Variants in TRIP11 observed in about 807,000 individuals in gnomAD.
The protein encoded by TRIP11 is thyroid receptor-interacting protein 11.
In TRIP11, 148 loss-of-function variants were observed where a neutral mutation model predicts 223.1. That is an observed-to-expected ratio of 0.66 (90% CI 0.58 to 0.76). TRIP11 has a LOEUF of 0.76. Among genes scored for constraint, TRIP11 ranks in the 30% least tolerant of loss-of-function variants. The probability of loss-of-function intolerance (pLI) is 0.00; values close to 1 mark genes in which losing one functional copy is unlikely to be tolerated. For missense variants in TRIP11, 2,043 were observed against 2,222.0 expected, an observed-to-expected ratio of 0.92 and a Z score of 1.62; for synonymous variants, 762 against 772.6, an observed-to-expected ratio of 0.99 and a Z score of 0.23.
At chr14:92,033,091 G>A in intron 2 of TRIP11, 101 bp downstream of exon 2, 2 of 857,822 alleles carry the variant, frequency 2.3e-6, no homozygotes, top group Non-Finnish European at 3.9e-6. Flanking sequence ...GAGAAAAAAA[G>A]TGCTAAGCAG....
rs150430556 is a variant in TRIP11, at chr14:92,016,590, A to T, written c.658-729T>A. Among the ~76,000 whole-genome samples, 72 of 152,294 alleles carry T rather than the reference A, an allele frequency of 4.7e-4. No individual in the cohort carries two copies. In the East Asian group the frequency reaches 0.013, roughly 29 times the overall value. ...AGATGGTTTTTGTTGCTTGTAACCA[A>T]GAATCCTAATCTACAGAAAAATTGA... On this transcript the variant is annotated intron_variant, in intron 5 of 20. Transcript: ENST00000267622.
At chr14:91,994,458 G>A (rs1036698640) in intron 14 of TRIP11, among the ~76,000 whole-genome samples, 2 of 152,004 alleles carry the variant, frequency 1.3e-5, no homozygotes, top group East Asian at 1.9e-4. Flanking sequence ...TGGCCAGGCT[G>A]GTCTTGAACT....
chr14:92,039,440 G>T, intron 1 of TRIP11, 107 bp downstream of exon 1: 1 of 1,211,558 alleles, frequency 8.3e-7, no homozygotes, highest in Non-Finnish European at 1.2e-6. Flanking sequence ...GGGAGGAGCA[G>T]CATTCCTTTG....
In TRIP11 at chr14:92,004,919, T is replaced by C; in HGVS notation, c.3057A>G (p.Glu1019=). ...GCTCTTTTATTCCTTTCACTAATCTTTCCGTTTCAGCTTTAGATAAATCAT... is the reference window on the plus strand; with the variant it reads ...GCTCTTTTATTCCTTTCACTAATCTCTCCGTTTCAGCTTTAGATAAATCAT... ...EKHDLSKAET[E]RLVKGIKERE... The change falls in exon 11 of 21, where the codon GAA becomes GAG. Residue 1019 remains glutamate (E), a synonymous_variant. Coordinates refer to ENST00000267622, the MANE Select transcript of TRIP11 (RefSeq NM_004239.4). 1 of 1,613,956 alleles carries C rather than the reference T, an allele frequency of 6.2e-7. No individual in the cohort carries two copies. The highest frequency in any genetic ancestry group is 8.5e-7 in the Non-Finnish European group (1 of 1,179,996).
At chr14:91,980,621 A>G (rs2140089019) in intron 16 of TRIP11, among the ~76,000 whole-genome samples, 1 of 152,338 alleles carries the variant, frequency 6.6e-6, no homozygotes, top group East Asian at 1.9e-4. Context: ...TCATATTTCA[A>G]TCTAGCCTGA....
chr14:92,005,604 T>G lies in TRIP11; in HGVS notation c.2372A>C (p.Glu791Ala), dbSNP rs1201229308. The change falls in exon 11 of 21, where the codon GAA becomes GCA. Residue 791 changes from glutamate (E) to alanine (A), a missense_variant. Transcript: ENST00000267622. ...NIEQMDTDHK[E>A]TKDVLSSSLE... is the part of the protein sequence containing the mutation. ...ACTAGATGACAAAACGTCCTTAGTT[T>G]CTTTATGGTCAGTATCCATTTGTTC... is the stretch of plus-strand genomic sequence containing the variant. 6.2e-7 allele frequency: 1 copy of G among 1,613,676 alleles called. No homozygotes were observed. The highest frequency in any genetic ancestry group is 1.1e-5 in the South Asian group (1 of 90,932).
chr14:91,983,612 T>A (rs1406930508), intron 16 of TRIP11, among the ~76,000 whole-genome samples: 1 of 152,274 alleles, frequency 6.6e-6, no homozygotes, highest in Admixed American at 6.5e-5. Context: ...TCTTAACTCA[T>A]ATTTTGGCAT....
intron 16 of TRIP11, chr14:91,977,136 G>C: frequency 4.8e-6 from 2 of 418,970 alleles, no homozygotes; most frequent in South Asian, 3.5e-5. Context: ...CTTTTCCTTT[G>C]AATTATGCTG....
chr14:91,999,895 T>C (rs192011055), intron 12 of TRIP11, 73 bp downstream of exon 12: 4 of 1,585,232 alleles, frequency 2.5e-6, no homozygotes, highest in South Asian at 2.2e-5. Flanking sequence ...TTTTCACTGA[T>C]CACCTTTCCA....
chr14:91,970,470 CTAAACACAAAT>C (rs1160304630), intron 20 of TRIP11, among the ~76,000 whole-genome samples: 1 of 151,882 alleles, frequency 6.6e-6, no homozygotes, highest in Non-Finnish European at 1.5e-5. Context: ...GCCTCAATTC[CTAAACACAAAT>C]ACTAATTTGT....
intron 2 of TRIP11, among the ~76,000 whole-genome samples, chr14:92,032,571 A>AC (rs2057279472): frequency 6.6e-6 from 1 of 152,180 alleles, no homozygotes; most frequent in Non-Finnish European, 1.5e-5. Context: ...GTGGTGGCTC[A>AC]CGCCTGTAAT....
intron 9 of TRIP11, among the ~76,000 whole-genome samples, chr14:92,009,521 T>C (rs1005850564): frequency 2.0e-4 from 30 of 152,142 alleles, no homozygotes; most frequent in African/African-American, 7.2e-4. Context: ...TACAAACGAC[T>C]AGGTCAGTCA....
At chr14:92,033,889 C>G (rs1006570737) in intron 1 of TRIP11, among the ~76,000 whole-genome samples, 8 of 152,048 alleles carry the variant, frequency 5.3e-5, no homozygotes, top group African/African-American at 1.4e-4. Context: ...AGGCATACCC[C>G]CCGAGTCTGC....
At chr14:91,996,234 A>T (rs865841822) in intron 13 of TRIP11, among the ~76,000 whole-genome samples, 1 of 152,326 alleles carries the variant, frequency 6.6e-6, no homozygotes, top group South Asian at 2.1e-4. Flanking sequence ...CATTAAATTC[A>T]AGTTAAATTT....
chr14:92,027,704 G>C (rs1175436976), intron 2 of TRIP11, among the ~76,000 whole-genome samples: 2 of 152,162 alleles, frequency 1.3e-5, no homozygotes, highest in African/African-American at 2.4e-5. Flanking sequence ...TAACAACAAT[G>C]AATGAGAAAA....
intron 19 of TRIP11, among the ~76,000 whole-genome samples, chr14:91,974,128 C>T (rs766954166): frequency 6.6e-6 from 1 of 152,176 alleles, no homozygotes; most frequent in African/African-American, 2.4e-5. Flanking sequence ...TACAACATAC[C>T]AGGCACTGTG....
chr14:92,005,453 A>AT lies in TRIP11; in HGVS notation c.2522dup (p.Asn841LysfsTer2), dbSNP rs1566860159. The AT allele has an allele frequency of 1.2e-6, 2 of 1,613,800 alleles. No homozygotes were observed. Among genetic ancestry groups the AT allele is most frequent in the Non-Finnish European group, 1.7e-6 (2 of 1,179,978 alleles). On this transcript the variant is annotated frameshift_variant, in exon 11 of 21. Transcript: ENST00000267622. LOFTEE classifies it high-confidence loss of function. The stretch of plus-strand genomic sequence containing the variant: ...CCTCTATGGTCTGTCTTAAAATTTC[A>AT]TTTTTTCTTAAGGCCTGAGAATATT...
chr14:91,994,541 G>C (rs2056723909), intron 14 of TRIP11, among the ~76,000 whole-genome samples: 1 of 152,164 alleles, frequency 6.6e-6, no homozygotes, highest in African/African-American at 2.4e-5. Flanking sequence ...ACCGTGCCCG[G>C]CAAGAATTCT....
chr14:92,007,574 C>T, intron 10 of TRIP11, 66 bp downstream of exon 10: 2 of 1,520,484 alleles, frequency 1.3e-6, no homozygotes, highest in Non-Finnish European at 1.8e-6. Context: ...TAAATCACAC[C>T]CACCATTTCT....
Sources: gnomAD v4.1 joint callset for allele counts (sites outside exome capture counted in the v4.1 genomes callset) on GRCh38, gnomAD v4.1.1 for gene constraint, MANE v1.5 for transcripts, NCBI Gene and HGNC (gene_info 2026-07-23, HGNC 2026-07-21) for gene names.